Variants in SHPK observed in about 807,000 individuals in gnomAD.
The protein encoded by SHPK is sedoheptulokinase, also known as carbohydrate kinase-like protein.
A neutral mutation model predicts 46.3 loss-of-function variants in SHPK; 51 were observed. The ratio of observed to expected loss-of-function variants is 1.10; its 90% CI spans 0.88 to 1.39. The LOEUF is 1.39. Among genes scored for constraint, SHPK ranks in the 40% most tolerant of loss-of-function variants. The pLI is 0.00. For missense variants in SHPK, 668 were observed against 641.3 expected (o/e 1.04, Z -0.45); for synonymous variants, 290 against 273.9 (o/e 1.06, Z -0.58).
At chr17:3,635,681 T>G (rs1287416658) in intron 1 of SHPK, among the ~76,000 whole-genome samples, 1 of 151,962 alleles carries the variant, frequency 6.6e-6, no homozygotes, top group Non-Finnish European at 1.5e-5. Context: ...ACAGGGCAGG[T>G]GTGAGGAGCG....
chr17:3,621,117 T>G, intron 5 of SHPK, 120 bp downstream of exon 5: 5 of 828,784 alleles, frequency 6.0e-6, no homozygotes, highest in Non-Finnish European at 9.1e-6. Flanking sequence ...TACAGAATAA[T>G]GATCTCCAGC....
chr17:3,631,978 G>C (rs1035371289), intron 1 of SHPK, among the ~76,000 whole-genome samples: 1 of 150,708 alleles, frequency 6.6e-6, no homozygotes, highest in African/African-American at 2.4e-5. Flanking sequence ...CTTTTTTTTT[G>C]AGACGGAATC....
Position 3,636,193 on chromosome 17 carries a change from G to T in SHPK, c.27C>A (p.Gly9=), listed in dbSNP as rs200409901. Residue 9 remains glycine, a synonymous_variant, in exon 1 of 7, where the codon GGC becomes GGA. Transcript: ENST00000225519. MAARPITL[G]IDLGTTSVKA... ...TCACAGATGTGGTGCCCAGGTCAAT[G>T]CCGAGGGTGATCGGCCGCGCAGCCA... 7.0e-5 allele frequency: 113 copies of T among 1,607,242 alleles called. No individual in the cohort carries two copies. The highest frequency in any genetic ancestry group is 1.7e-4 in the Middle Eastern group (1 of 6,030).
Position 3,615,433 on chromosome 17 carries a change from A to G in SHPK, c.928T>C (p.Phe310Leu), listed in dbSNP as rs764515915. Residue 310 changes from phenylalanine (F) to leucine (L), a missense_variant, in exon 6 of 7, where the codon TTC (phenylalanine) becomes CTC (leucine). Coordinates refer to ENST00000225519, the MANE Select transcript of SHPK (RefSeq NM_013276.4). ...PTAPVAYFPY[F>L]NRTYLGVAAS... ...GCCACCCCCAGGTAGGTCCTGTTGA[A>G]GTATGGGAAGTAGGCGACTGGGGCC... 1.2e-6 allele frequency: 2 copies of G among 1,614,174 alleles called. No individual in the cohort carries two copies. The highest frequency in any genetic ancestry group is 1.1e-5 in the South Asian group (1 of 91,088).
intron 6 of SHPK, among the ~76,000 whole-genome samples, chr17:3,614,865 A>G (rs2075362891): frequency 6.9e-6 from 1 of 145,336 alleles, no homozygotes; most frequent in Non-Finnish European, 1.5e-5. Context: ...AAAAAAAAGA[A>G]GAAGAAGAAG....
chr17:3,619,150 A>C, intron 5 of SHPK: 1 of 328,418 alleles, frequency 3.0e-6, no homozygotes. Context: ...TTCTGCCTCT[A>C]GAGATGATGC....
In SHPK at chr17:3,610,963, A is replaced by C; in HGVS notation, c.1034T>G (p.Val345Gly). The C allele has an allele frequency of 6.2e-7, 1 of 1,604,472 alleles. No homozygotes were observed. Among genetic ancestry groups the C allele is most frequent in the Middle Eastern group, 1.7e-4 (1 of 5,860 alleles). ...VQWMADLGLE[V>G]EESTVYSRMI... is the part of the protein sequence containing the mutation. ...GCGTGAATACACAGTGGATTCTTCA[A>C]CCTCCAGGCCTGCCAGAGACAGAGA... is the stretch of plus-strand genomic sequence containing the variant. The change falls in exon 7 of 7, where the codon GTT becomes GGT. Residue 345 changes from valine (V) to glycine (G), a missense_variant. Coordinates refer to ENST00000225519, the MANE Select transcript of SHPK (RefSeq NM_013276.4).
At chr17:3,611,017 C>G in intron 6 of SHPK, 45 bp from the exon 7 acceptor site, 2 of 1,534,360 alleles carry the variant, frequency 1.3e-6, no homozygotes, top group Non-Finnish European at 1.8e-6. Flanking sequence ...GCGTCCCCCT[C>G]AGTGCAGGCT....
At chr17:3,616,345 G>A (rs1405791880) in intron 5 of SHPK, among the ~76,000 whole-genome samples, 1 of 152,200 alleles carries the variant, frequency 6.6e-6, no homozygotes, top group African/African-American at 2.4e-5. Context: ...GGGGAAGGCA[G>A]GTGCCACGTC....
rs746577527 is a variant in SHPK at position 3,632,309 on chromosome 17, C to T, written c.169-1963G>A. Among the ~76,000 whole-genome samples, 68 of 152,302 alleles carry T rather than the reference C, an allele frequency of 4.5e-4. 1 individual carries two copies. Among genetic ancestry groups the T allele is most frequent in the Middle Eastern group, 3.4e-3 (1 of 294 alleles). ...AGTTTAAAGAGTCCTCCCAGCTGGG[C>T]GCAGCGGCTCACGCCTATAATCGCA... On this transcript the variant is annotated intron_variant, in intron 1 of 6. Transcript: ENST00000225519.
intron 2 of SHPK, among the ~76,000 whole-genome samples, chr17:3,627,176 T>C (rs2075443480): frequency 6.6e-6 from 1 of 152,208 alleles, no homozygotes; most frequent in Non-Finnish European, 1.5e-5. Flanking sequence ...CGTGCTGACC[T>C]GTCCTTTGTC....
chr17:3,618,734 T>G (rs2075382116), intron 5 of SHPK, among the ~76,000 whole-genome samples: 1 of 151,888 alleles, frequency 6.6e-6, no homozygotes, highest in African/African-American at 2.4e-5. Context: ...GAGCTGAGAT[T>G]GTGCCACTGC....
chr17:3,619,075 T>C lies in SHPK; in HGVS notation c.823+2162A>G, dbSNP rs182264296. 2.2e-3 allele frequency among the ~76,000 whole-genome samples: 338 copies of C among 152,172 alleles called. 1 individual carries two copies. Among genetic ancestry groups the C allele is most frequent in the Non-Finnish European group, 3.8e-3 (261 of 67,986 alleles). On this transcript the variant is annotated intron_variant, in intron 5 of 6. Transcript: ENST00000225519. ...GTTTAATCATTTTGTATATAAGCAC[T>C]GATTTTACAAAACATAGTATATAAA...
rs767773648 is a variant in SHPK at position 3,630,342 on chromosome 17, C to T, written c.173G>A (p.Arg58Gln). 50 of 1,607,754 alleles carry T rather than the reference C, an allele frequency of 3.1e-5. No individual in the cohort carries two copies. Among genetic ancestry groups the T allele is most frequent in the East Asian group, 2.2e-4 (10 of 44,760 alleles). ...GAGGATTCTACTCACATCCTGCTCC[C>T]GCCCCTGGAAGCAAAAGAGAACACA... ...VESAVAGPQG[R>Q]EQDVSRILQA... The change falls in exon 2 of 7, where the codon CGG becomes CAG. Residue 58 changes from arginine to glutamine, a missense_variant. By Grantham distance (43) the Arg-to-Gln change is conservative (BLOSUM62 1). Transcript: ENST00000225519.
chr17:3,624,940 C>A (rs1038770868), intron 2 of SHPK, among the ~76,000 whole-genome samples: 5 of 152,156 alleles, frequency 3.3e-5, no homozygotes, highest in African/African-American at 1.2e-4. Context: ...CAGGCATGAG[C>A]CACCGCACCT....
chr17:3,613,548 T>C (rs1263269166), intron 6 of SHPK, among the ~76,000 whole-genome samples: 1 of 152,098 alleles, frequency 6.6e-6, no homozygotes, highest in Non-Finnish European at 1.5e-5. Context: ...TTTGTATTTT[T>C]AGTAGAGACA....
At chr17:3,614,303 T>C (rs1012214190) in intron 6 of SHPK, among the ~76,000 whole-genome samples, 1 of 151,682 alleles carries the variant, frequency 6.6e-6, no homozygotes, top group African/African-American at 2.4e-5. Context: ...GGCAGGTGGA[T>C]CACAAGGTCA....
In SHPK at chr17:3,621,365, TCGG is replaced by T; in HGVS notation, c.692_694del (p.Ala231del). On this transcript the variant is annotated inframe_deletion, in exon 5 of 7. Coordinates refer to ENST00000225519, the MANE Select transcript of SHPK (RefSeq NM_013276.4). ...AGTTCTGCCCGCCACACTGCCAGGC[TCGG>T]CGATGTCTGGGAGCAGGTGGACAGG... is the stretch of plus-strand genomic sequence containing the variant. The T allele has an allele frequency of 6.2e-7, 1 of 1,614,124 alleles. No individual in the cohort carries two copies.
rs150940320 is a variant in SHPK, at chr17:3,632,577, AAC to A, written c.169-2233_169-2232del. ...AAGGAGGCAGTGTTCAGCAGTTAGA[AAC>A]AGTTTTAGGGGCGGGTGTGATTGGG... On this transcript the variant is annotated intron_variant, in intron 1 of 6. Transcript: ENST00000225519. 8.7e-3 allele frequency among the ~76,000 whole-genome samples: 1,325 copies of A among 152,178 alleles called. 24 individuals carry two copies. The highest frequency in any genetic ancestry group is 0.031 in the African/African-American group (1,281 of 41,520).
Sources: gnomAD v4.1 joint callset for allele counts (sites outside exome capture counted in the v4.1 genomes callset) on GRCh38, gnomAD v4.1.1 for gene constraint, MANE v1.5 for transcripts, NCBI Gene and HGNC (gene_info 2026-07-23, HGNC 2026-07-21) for gene names.